The following SNAPC1 variants were observed in gnomAD, a reference collection of about 807,000 sequenced individuals.
SNAPC1 encodes snRNA-activating protein complex subunit 1.
A neutral mutation model predicts 50.1 loss-of-function variants in SNAPC1; 42 were observed. The observed-to-expected ratio is 0.84, with a 90% CI of 0.65 to 1.08. The LOEUF is 1.08. Ranked by LOEUF, SNAPC1 falls within the 50% of genes least tolerant of loss-of-function variation. SNAPC1 has a pLI of 0.00. For synonymous variants in SNAPC1, 164 were observed against 144.2 expected, an observed-to-expected ratio of 1.14 and a Z score of -0.98; for missense variants, 477 against 427.3, an observed-to-expected ratio of 1.12 and a Z score of -1.02.
chr14:61,776,970 G>A (rs139788769), intron 5 of SNAPC1, among the ~76,000 whole-genome samples: 2 of 152,260 alleles, frequency 1.3e-5, no homozygotes, highest in African/African-American at 2.4e-5. Context: ...GGCTAGCCTT[G>A]TGAAATTTAC....
chr14:61,774,648 ATTTTTTTTT>A lies in SNAPC1; in HGVS notation c.535-1425_535-1417del, dbSNP rs35300490. On this transcript the variant is annotated intron_variant, in intron 4 of 9. Coordinates refer to ENST00000216294, the MANE Select transcript of SNAPC1 (RefSeq NM_003082.4). ...ACTCACCACTATTGATCAGTTTCTC[ATTTTTTTTT>A]TTTTTTTTTTTTTTTTTTTTTGAGA... Among the ~76,000 whole-genome samples the A allele has an allele frequency of 1.2e-3, 107 of 90,956 alleles. 3 individuals carry two copies. The highest frequency in any genetic ancestry group is 6.1e-3 in the South Asian group (21 of 3,442). 59.7% of individuals were successfully genotyped at this position (90,956 alleles called of 152,430 possible).
At chr14:61,791,940 G>A (rs1184021118) in intron 8 of SNAPC1, among the ~76,000 whole-genome samples, 2 of 151,928 alleles carry the variant, frequency 1.3e-5, no homozygotes, top group Admixed American at 1.3e-4. Flanking sequence ...AAAGAAAATA[G>A]TGTTTCTGTT....
chr14:61,779,643 G>T (rs557657992), intron 7 of SNAPC1, among the ~76,000 whole-genome samples: 11 of 144,614 alleles, frequency 7.6e-5, no homozygotes, highest in South Asian at 2.3e-4. Flanking sequence ...GTTTTTTTTT[G>T]ATGGTTCCTC....
chr14:61,772,501 C>T (rs896460032), intron 4 of SNAPC1, among the ~76,000 whole-genome samples: 9 of 152,164 alleles, frequency 5.9e-5, no homozygotes, highest in African/African-American at 2.2e-4. Flanking sequence ...CCTTGGCCTC[C>T]CAAAGTGCTG....
In SNAPC1 at chr14:61,782,232, A is replaced by T. The variant is rs1171225840; in HGVS notation, c.826-15A>T. The T allele has an allele frequency of 6.5e-7, 1 of 1,544,584 alleles. No homozygotes were observed. The highest frequency in any genetic ancestry group is 8.7e-7 in the Non-Finnish European group (1 of 1,146,826). ...ATTTTATAATTTATTGGTTAATTGG[A>T]TTGTAACTCTTAAGGCATCCAAATC... On this transcript the variant is annotated splice_polypyrimidine_tract_variant and intron_variant, in intron 7 of 9. Transcript: ENST00000216294.
chr14:61,764,568 A>G (rs893269153), intron 1 of SNAPC1, among the ~76,000 whole-genome samples: 13 of 152,196 alleles, frequency 8.5e-5, no homozygotes, highest in African/African-American at 3.1e-4. Flanking sequence ...TAAAGAGGTT[A>G]AGTAATTTCT....
At chr14:61,783,152 A>G (rs888016600) in intron 8 of SNAPC1, among the ~76,000 whole-genome samples, 2 of 150,364 alleles carry the variant, frequency 1.3e-5, no homozygotes, top group Admixed American at 1.3e-4. Flanking sequence ...CCTCCTGAGT[A>G]GCTGGGACTA....
At chr14:61,786,193 T>C (rs909765831) in intron 8 of SNAPC1, among the ~76,000 whole-genome samples, 4 of 152,106 alleles carry the variant, frequency 2.6e-5, no homozygotes, top group African/African-American at 9.7e-5. Context: ...ATAAAACTTG[T>C]GAAAAAATAT....
At chr14:61,785,035 C>T (rs2140183758) in intron 8 of SNAPC1, among the ~76,000 whole-genome samples, 1 of 152,136 alleles carries the variant, frequency 6.6e-6, no homozygotes, top group East Asian at 1.9e-4. Flanking sequence ...AAAAGGTGAC[C>T]AAGGCAAAAT....
intron 4 of SNAPC1, among the ~76,000 whole-genome samples, chr14:61,772,590 A>G (rs555073602): frequency 1.3e-5 from 2 of 152,108 alleles, no homozygotes; most frequent in African/African-American, 2.4e-5. Flanking sequence ...AGGTCTTGCT[A>G]TGTTGCCCAG....
At chr14:61,773,943 A>G (rs1352187665) in intron 4 of SNAPC1, among the ~76,000 whole-genome samples, 1 of 150,078 alleles carries the variant, frequency 6.7e-6, no homozygotes, top group Non-Finnish European at 1.5e-5. Flanking sequence ...TCCTGACCTC[A>G]GGTGATCCGC....
At chr14:61,790,573 AT>A (rs1381372628) in intron 8 of SNAPC1, among the ~76,000 whole-genome samples, 1 of 152,094 alleles carries the variant, frequency 6.6e-6, no homozygotes, top group Admixed American at 6.6e-5. Context: ...CTGACGTTAA[AT>A]AATCCACCCA....
At chr14:61,794,872 G>GT (rs1332801806) in intron 9 of SNAPC1, 77 bp from the exon 10 acceptor site, 1 of 935,828 alleles carries the variant, frequency 1.1e-6, no homozygotes, top group Non-Finnish European at 1.7e-6. Flanking sequence ...GTATTATCAT[G>GT]TAAGTGTCAG....
rs1248088740 is a variant in SNAPC1, at chr14:61,782,383, C to T, written c.962C>T (p.Ser321Phe). 1.2e-6 allele frequency: 2 copies of T among 1,607,598 alleles called. No individual in the cohort carries two copies. Among genetic ancestry groups the T allele is most frequent in the South Asian group, 2.2e-5 (2 of 89,572 alleles). The change falls in exon 8 of 10, where the codon TCT (serine) becomes TTT (phenylalanine). Residue 321 changes from serine to phenylalanine, a missense_variant. Physicochemically the swap from Ser to Phe is radical, Grantham distance 155 (BLOSUM62 -2). Transcript: ENST00000216294. ...ERLKPAGRKM[S>F]LRNKGNVQNI... ...TTGAAACCAGCAGGAAGGAAGATGTCTCTCAGAAACAAAGGTAACTTTTTA... is the reference window on the plus strand; with the variant it reads ...TTGAAACCAGCAGGAAGGAAGATGTTTCTCAGAAACAAAGGTAACTTTTTA...
intron 8 of SNAPC1, among the ~76,000 whole-genome samples, chr14:61,788,228 T>A (rs1414798638): frequency 6.6e-6 from 1 of 152,194 alleles, no homozygotes; most frequent in Non-Finnish European, 1.5e-5. Context: ...TGAATTCAGA[T>A]CTCCATCATG....
chr14:61,767,311 C>G lies in SNAPC1; in HGVS notation c.388C>G (p.Arg130Gly), dbSNP rs371372763. The G allele has an allele frequency of 2.0e-6, 3 of 1,518,788 alleles. No homozygotes were observed. The highest frequency in any genetic ancestry group is 2.6e-6 in the Non-Finnish European group (3 of 1,133,770). 94.1% of individuals were successfully genotyped at this position (1,518,788 alleles called of 1,614,324 possible). The change falls in exon 3 of 10, where the codon CGA becomes GGA. Residue 130 changes from arginine (R) to glycine (G), a missense_variant. Arg to Gly is a moderately radical substitution (Grantham distance 125). Coordinates refer to ENST00000216294, the MANE Select transcript of SNAPC1 (RefSeq NM_003082.4). Reference protein sequence around the residue: ...FDAAYIFRKLRLDRAFHFTAM... With the variant: ...FDAAYIFRKLGLDRAFHFTAM... ...TGCAGCTTATATTTTTAGGAAGCTA[C>G]GACTAGACAGAGCATTTCACTTTAC...
At chr14:61,791,596 C>T (rs2045152567) in intron 8 of SNAPC1, among the ~76,000 whole-genome samples, 1 of 152,056 alleles carries the variant, frequency 6.6e-6, no homozygotes, top group Non-Finnish European at 1.5e-5. Flanking sequence ...GCCTGTAATC[C>T]CAGCAGTTTG....
At chr14:61,791,288 G>A (rs2045150798) in intron 8 of SNAPC1, among the ~76,000 whole-genome samples, 1 of 152,098 alleles carries the variant, frequency 6.6e-6, no homozygotes, top group South Asian at 2.1e-4. Flanking sequence ...GGGATTACAG[G>A]CATGAGCCAC....
Position 61,776,181 on chromosome 14 carries a change from G to C in SNAPC1, c.621G>C (p.Leu207Phe). 1 of 1,612,456 alleles carries C rather than the reference G, an allele frequency of 6.2e-7. No individual in the cohort carries two copies. The highest frequency in any genetic ancestry group is 8.5e-7 in the Non-Finnish European group (1 of 1,179,068). ...CCAAGCCAGATAAAGCCCTCAGCTTGATAAAGGATGATTTTTTTGACAATA... is the reference window on the plus strand; with the variant it reads ...CCAAGCCAGATAAAGCCCTCAGCTTCATAAAGGATGATTTTTTTGACAATA... ...DKSKPDKALS[L>F]IKDDFFDNIK... is the part of the protein sequence containing the mutation. Residue 207 changes from leucine (L) to phenylalanine (F), a missense_variant, in exon 5 of 10, where the codon TTG (leucine) becomes TTC (phenylalanine). Physicochemically the swap from Leu to Phe is conservative, Grantham distance 22. Coordinates refer to ENST00000216294, the MANE Select transcript of SNAPC1 (RefSeq NM_003082.4).
Sources: gnomAD v4.1 joint callset for allele counts (sites outside exome capture counted in the v4.1 genomes callset) on GRCh38, gnomAD v4.1.1 for gene constraint, MANE v1.5 for transcripts, NCBI Gene and HGNC (gene_info 2026-07-23, HGNC 2026-07-21) for gene names.